The following DISC1 variants were observed in gnomAD, a reference collection of about 807,000 sequenced individuals.
The protein encoded by DISC1 is disrupted in schizophrenia 1 protein.
A neutral mutation model predicts 84.5 loss-of-function variants in DISC1; 57 were observed. The ratio of observed to expected loss-of-function variants is 0.67; its 90% CI spans 0.55 to 0.84. The LOEUF (loss-of-function observed/expected upper bound fraction) is 0.84. DISC1 is among the 40% of genes least tolerant of loss of function. The pLI is 0.00. For synonymous variants in DISC1, 411 were observed against 415.2 expected (o/e 0.99, Z 0.12); for missense variants, 1,000 against 1,057.8 (o/e 0.95, Z 0.76).
chr1:231,641,078 G>A (rs990196058), intron 1 of DISC1, among the ~76,000 whole-genome samples: 1 of 152,230 alleles, frequency 6.6e-6, no homozygotes, highest in African/African-American at 2.4e-5. Context: ...AAGGAAAAGG[G>A]TTGGAACTGT....
At chr1:231,987,657 C>G (rs1354618877) in intron 10 of DISC1, among the ~76,000 whole-genome samples, 1 of 152,158 alleles carries the variant, frequency 6.6e-6, no homozygotes, top group African/African-American at 2.4e-5. Flanking sequence ...CTCCAGGTAT[C>G]TTTTTCTCAG....
intron 9 of DISC1, among the ~76,000 whole-genome samples, chr1:231,860,309 T>C (rs2084554964): frequency 1.3e-5 from 2 of 152,146 alleles, no homozygotes; most frequent in East Asian, 1.9e-4. Flanking sequence ...TCTAAAATGC[T>C]TGGGACAAGA....
At chr1:231,691,905 T>C (rs1266247513) in intron 1 of DISC1, among the ~76,000 whole-genome samples, 1 of 152,188 alleles carries the variant, frequency 6.6e-6, no homozygotes, top group Non-Finnish European at 1.5e-5. Context: ...ACGGATTCCT[T>C]CTGTACATCT....
chr1:231,850,585 A>C (rs2125898105), intron 9 of DISC1, among the ~76,000 whole-genome samples: 1 of 152,378 alleles, frequency 6.6e-6, no homozygotes, highest in South Asian at 2.1e-4. Flanking sequence ...TCGATCCTGT[A>C]CGAATGCAAC....
At chr1:231,882,316 C>T (rs557722224) in intron 9 of DISC1, among the ~76,000 whole-genome samples, 2 of 152,220 alleles carry the variant, frequency 1.3e-5, no homozygotes, top group South Asian at 2.1e-4. Context: ...AGCTGGAACA[C>T]GGCGATGTTT....
At chr1:231,837,961 G>A (rs1207710689) in intron 9 of DISC1, among the ~76,000 whole-genome samples, 3 of 151,898 alleles carry the variant, frequency 2.0e-5, no homozygotes, top group Non-Finnish European at 4.4e-5. Flanking sequence ...TTTTCTTTAA[G>A]AGGCATTTTT....
chr1:231,739,450 A>G (rs1462620548), intron 3 of DISC1, among the ~76,000 whole-genome samples: 1 of 152,150 alleles, frequency 6.6e-6, no homozygotes, highest in Non-Finnish European at 1.5e-5. Flanking sequence ...CAGGCTCATC[A>G]CCACGTGTGC....
At chr1:231,831,114 G>A (rs2082190580) in intron 9 of DISC1, among the ~76,000 whole-genome samples, 3 of 152,320 alleles carry the variant, frequency 2.0e-5, no homozygotes, top group Middle Eastern at 6.8e-3. Context: ...CCCAGGCTAA[G>A]AGGTATTTTA....
At chr1:231,716,129 C>T (rs1200391501) in intron 3 of DISC1, among the ~76,000 whole-genome samples, 1 of 152,030 alleles carries the variant, frequency 6.6e-6, no homozygotes, top group Non-Finnish European at 1.5e-5. Flanking sequence ...TTTCTACCTA[C>T]CACTTACCCG....
chr1:231,891,442 G>T (rs914606949), intron 9 of DISC1, among the ~76,000 whole-genome samples: 1 of 152,200 alleles, frequency 6.6e-6, no homozygotes, highest in East Asian at 1.9e-4. Context: ...GTCATGCCAC[G>T]TGAGGAAGCA....
chr1:231,688,652 C>A (rs200690009), intron 1 of DISC1, among the ~76,000 whole-genome samples: 150 of 128,000 alleles, frequency 1.2e-3, no homozygotes, highest in Non-Finnish European at 1.8e-3. Flanking sequence ...AAATTGAATT[C>A]TCCTTCCTCC....
chr1:231,840,905 G>A (rs554012726), intron 9 of DISC1, among the ~76,000 whole-genome samples: 6 of 152,006 alleles, frequency 3.9e-5, no homozygotes, highest in Admixed American at 6.6e-5. Flanking sequence ...ATTTTACTGC[G>A]TGTAAATTTT....
chr1:232,014,752 C>T (rs1240881671), intron 11 of DISC1, among the ~76,000 whole-genome samples: 1 of 152,176 alleles, frequency 6.6e-6, no homozygotes, highest in Non-Finnish European at 1.5e-5. Flanking sequence ...ACAGTTTCCA[C>T]TTTTGGTGTC....
At chr1:231,715,411 C>T (rs1054900072) in intron 3 of DISC1, among the ~76,000 whole-genome samples, 1 of 152,172 alleles carries the variant, frequency 6.6e-6, no homozygotes, top group African/African-American at 2.4e-5. Context: ...CAGTCATTTC[C>T]ATCCCAAAAC....
intron 8 of DISC1, among the ~76,000 whole-genome samples, chr1:231,800,809 G>A (rs138445997): frequency 5.1e-4 from 77 of 152,072 alleles, no homozygotes; most frequent in African/African-American, 1.6e-3. Flanking sequence ...ACCGTGATCC[G>A]AATGGACTGA....
intron 9 of DISC1, among the ~76,000 whole-genome samples, chr1:231,875,511 T>TTCACTTCCCTGGCCTTGACC (rs1179564158): frequency 1.3e-5 from 2 of 152,166 alleles, no homozygotes; most frequent in Non-Finnish European, 2.9e-5. Context: ...ACTTGGGCAA[T>TTCACTTCCCTGGCCTTGACC]TCACTTCCCT....
chr1:231,688,381 C>G (rs2064565600), intron 1 of DISC1, among the ~76,000 whole-genome samples: 1 of 152,212 alleles, frequency 6.6e-6, no homozygotes, highest in Non-Finnish European at 1.5e-5. Context: ...TGAGTTCAAA[C>G]TGACTAACTC....
intron 6 of DISC1, among the ~76,000 whole-genome samples, chr1:231,779,303 A>G (rs1168280451): frequency 1.3e-5 from 2 of 152,156 alleles, no homozygotes; most frequent in Non-Finnish European, 2.9e-5. Context: ...TTCTGATACA[A>G]AGACCAACTG....
At chr1:231,667,449 C>G (rs543788722) in intron 1 of DISC1, among the ~76,000 whole-genome samples, 2 of 152,310 alleles carry the variant, frequency 1.3e-5, no homozygotes, top group African/African-American at 4.8e-5. Context: ...TATTAACACA[C>G]ACACCCAGAG....
Sources: gnomAD v4.1 joint callset for allele counts (sites outside exome capture counted in the v4.1 genomes callset) on GRCh38, gnomAD v4.1.1 for gene constraint, MANE v1.5 for transcripts, NCBI Gene and HGNC (gene_info 2026-07-23, HGNC 2026-07-21) for gene names.